LPAR3: variants seen among roughly 807,000 people sequenced by gnomAD.
LPAR3 encodes lysophosphatidic acid receptor 3, also known as LPA receptor 3.
A neutral mutation model predicts 17.8 loss-of-function variants in LPAR3; 7 were observed. That is an observed-to-expected ratio of 0.39 (90% CI 0.22 to 0.74). The LOEUF is 0.74. LPAR3 is among the 30% of genes least tolerant of loss of function. The pLI, the probability that LPAR3 is intolerant of heterozygous loss-of-function variation, is 0.40. For missense variants in LPAR3, 391 were observed against 453.4 expected, an observed-to-expected ratio of 0.86 and a Z score of 1.25; for synonymous variants, 179 against 179.9, an observed-to-expected ratio of 0.99 and a Z score of 0.04.
At chr1:84,889,970 A>G (rs1166508355) in intron 1 of LPAR3, among the ~76,000 whole-genome samples, 1 of 152,256 alleles carries the variant, frequency 6.6e-6, no homozygotes, top group Non-Finnish European at 1.5e-5. Context: ...ATTCAGGGTC[A>G]CAAGAACTCA....
chr1:84,833,132 C>A (rs181536258), intron 2 of LPAR3, among the ~76,000 whole-genome samples: 2 of 152,126 alleles, frequency 1.3e-5, no homozygotes, highest in Non-Finnish European at 2.9e-5. Flanking sequence ...GTAATGGGAA[C>A]GTGGTATACC....
chr1:84,844,057 C>T (rs941243772), intron 2 of LPAR3, among the ~76,000 whole-genome samples: 2 of 152,226 alleles, frequency 1.3e-5, no homozygotes, highest in East Asian at 1.9e-4. Context: ...ATCACCTGCA[C>T]TAGAATGTAA....
intron 2 of LPAR3, among the ~76,000 whole-genome samples, chr1:84,860,145 A>G (rs991929890): frequency 2.4e-4 from 36 of 152,220 alleles, no homozygotes; most frequent in Admixed American, 1.2e-3. Flanking sequence ...CTGAAACGGG[A>G]ACATGATGCC....
intron 1 of LPAR3, among the ~76,000 whole-genome samples, chr1:84,881,750 G>A (rs1660369287): frequency 6.6e-6 from 1 of 152,182 alleles, no homozygotes; most frequent in African/African-American, 2.4e-5. Flanking sequence ...TGGAAAGGGG[G>A]AAGAGGAGGG....
intron 2 of LPAR3, among the ~76,000 whole-genome samples, chr1:84,838,576 T>C (rs1659447808): frequency 6.6e-6 from 1 of 152,240 alleles, no homozygotes; most frequent in East Asian, 1.9e-4. Context: ...ATTCTATCCC[T>C]CTGATGGTGA....
intron 1 of LPAR3, among the ~76,000 whole-genome samples, chr1:84,892,605 C>T (rs1033833797): frequency 2.0e-5 from 3 of 152,214 alleles, no homozygotes; most frequent in Admixed American, 1.3e-4. Flanking sequence ...TGTTATATCC[C>T]TAGGCTTCAC....
intron 2 of LPAR3, among the ~76,000 whole-genome samples, chr1:84,851,422 C>T (rs1157736564): frequency 1.3e-5 from 2 of 151,910 alleles, no homozygotes; most frequent in Admixed American, 6.6e-5. Flanking sequence ...TGAGTGCCTA[C>T]TGTGTGCCAG....
intron 1 of LPAR3, among the ~76,000 whole-genome samples, chr1:84,881,294 T>C (rs1660361136): frequency 1.3e-5 from 2 of 152,160 alleles, no homozygotes; most frequent in Admixed American, 1.3e-4. Flanking sequence ...CGCATCACTT[T>C]TAGCAGTGGC....
At position 84,813,152 on chromosome 1, in the gene LPAR3, T is replaced by TAGAGAG. The variant is rs1436277643; in HGVS notation, c.*693_*694insCTCTCT. On this transcript the variant is annotated 3_prime_UTR_variant, in exon 3 of 3. Coordinates refer to ENST00000370611, the MANE Select transcript of LPAR3 (RefSeq NM_012152.3). ...ATATATATATATATATATATATATA[T>TAGAGAG]ATATATAGACACACACACACACACA... 1.5e-4 allele frequency: 17 copies of TAGAGAG among 110,850 alleles called. No homozygotes were observed. The South Asian group carries it at 4.6e-3, about 30-fold the overall frequency. The allele number at this position is 110,850 out of a possible 1,614,324, so 6.9% of individuals were successfully genotyped here.
intron 1 of LPAR3, among the ~76,000 whole-genome samples, chr1:84,879,764 G>A (rs1312869190): frequency 6.6e-6 from 1 of 152,112 alleles, no homozygotes. Context: ...TAAATGAAGT[G>A]TGCTGCTGCC....
chr1:84,865,890 G>A lies in LPAR3; in HGVS notation c.231C>T (p.Phe77=). The change falls in exon 2 of 3, where the codon TTC becomes TTT. Residue 77 remains phenylalanine (F), a synonymous_variant. Coordinates refer to ENST00000370611, the MANE Select transcript of LPAR3 (RefSeq NM_012152.3). ...YLLANLAAAD[F]FAGIAYVFLM... is the part of the protein sequence containing the mutation. ...GGAATACATAGGCAATTCCAGCGAA[G>A]AAATCGGCAGCAGCTAAATTAGCCA... 3 of 1,614,178 alleles carry A rather than the reference G, an allele frequency of 1.9e-6. No homozygotes were observed. The highest frequency in any genetic ancestry group is 3.3e-5 in the Admixed American group (2 of 60,024).
At chr1:84,818,704 C>T (rs1477520621) in intron 2 of LPAR3, among the ~76,000 whole-genome samples, 1 of 152,172 alleles carries the variant, frequency 6.6e-6, no homozygotes, top group Non-Finnish European at 1.5e-5. Flanking sequence ...GTGCCCACCC[C>T]AGGAGCCCTC....
intron 1 of LPAR3, among the ~76,000 whole-genome samples, chr1:84,879,316 C>CTTTTTTCTTTTTTTTTTTTTTTTTTTTTT (rs1553149965): frequency 9.1e-5 from 11 of 120,598 alleles, no homozygotes; most frequent in Non-Finnish European, 1.5e-4. Context: ...TTTCTTTTTT[C>CTTTTTTCTTTTTTTTTTTTTTTTTTTTTT]TTTTTTTTTT....
chr1:84,821,100 T>A (rs1258407513), intron 2 of LPAR3, among the ~76,000 whole-genome samples: 2 of 150,598 alleles, frequency 1.3e-5, no homozygotes, highest in Admixed American at 6.6e-5. Flanking sequence ...TTTTTTTTTT[T>A]AAAGTTTGAA....
rs190322787 is a variant in LPAR3, at chr1:84,858,072, A to G, written c.736+7313T>C. On this transcript the variant is annotated intron_variant, in intron 2 of 2. Transcript: ENST00000370611. ...TGAAATAAAATCCTAAAAGCCTGGA[A>G]CACGCTGACCTCATCATAAGAAGCA... 2.0e-5 allele frequency among the ~76,000 whole-genome samples: 3 copies of G among 152,314 alleles called. No homozygotes were observed. In the East Asian group the frequency reaches 5.8e-4, roughly 29 times the overall value.
intron 1 of LPAR3, among the ~76,000 whole-genome samples, chr1:84,892,503 A>G (rs1421053353): frequency 1.3e-5 from 2 of 152,232 alleles, no homozygotes; most frequent in East Asian, 3.9e-4. Context: ...GTTGCTAGTT[A>G]CTAGTTCCCG....
At chr1:84,851,076 C>T (rs1659699357) in intron 2 of LPAR3, among the ~76,000 whole-genome samples, 1 of 152,222 alleles carries the variant, frequency 6.6e-6, no homozygotes, top group Admixed American at 6.5e-5. Flanking sequence ...TCTGGGCCTC[C>T]ATTTCCTCAG....
At chr1:84,833,870 A>G (rs761126744) in intron 2 of LPAR3, among the ~76,000 whole-genome samples, 2 of 152,340 alleles carry the variant, frequency 1.3e-5, no homozygotes, top group African/African-American at 2.4e-5. Flanking sequence ...ACTGCTCTCC[A>G]GCTTTAAAGA....
intron 2 of LPAR3, among the ~76,000 whole-genome samples, chr1:84,837,300 C>T (rs181634307): frequency 2.0e-5 from 3 of 152,274 alleles, no homozygotes; most frequent in East Asian, 1.9e-4. Context: ...TGATTACAGG[C>T]GTAAGCCACC....
Sources: allele counts gnomAD v4.1 joint callset (sites outside exome capture counted in the v4.1 genomes callset), GRCh38; gene constraint gnomAD v4.1.1; transcripts MANE v1.5; gene names NCBI Gene and HGNC (gene_info 2026-07-23, HGNC 2026-07-21).